Variants in RNLS observed in about 807,000 individuals in gnomAD.
The protein encoded by RNLS is renalase.
Under a neutral mutation model 39.8 loss-of-function variants are expected in RNLS, and 39 were observed. The observed-to-expected ratio is 0.98, with a 90% confidence interval of 0.76 to 1.28. The LOEUF is 1.28. Ranked by LOEUF, RNLS falls within the 50% of genes most tolerant of loss-of-function variation. The pLI, the probability that RNLS is intolerant of heterozygous loss-of-function variation, is 0.00. For missense variants in RNLS, 410 were observed against 413.3 expected (o/e 0.99, Z 0.07); for synonymous variants, 147 against 150.7 (o/e 0.98, Z 0.18).
At chr10:88,290,656 AAG>A (rs900234157) in intron 6 of RNLS, among the ~76,000 whole-genome samples, 2 of 151,656 alleles carry the variant, frequency 1.3e-5, no homozygotes, top group African/African-American at 4.9e-5. Flanking sequence ...AAGGAAATAA[AAG>A]AGAAATACAT....
At chr10:88,576,170 CT>C (rs1306336896) in intron 3 of RNLS, among the ~76,000 whole-genome samples, 1 of 152,278 alleles carries the variant, frequency 6.6e-6, no homozygotes, top group Admixed American at 6.5e-5. Context: ...CTCACTCTTT[CT>C]TCTTAACATT....
chr10:88,475,548 T>C (rs1448098047), intron 4 of RNLS, among the ~76,000 whole-genome samples: 4 of 152,170 alleles, frequency 2.6e-5, no homozygotes, highest in Non-Finnish European at 5.9e-5. Context: ...TAAAAAACCT[T>C]TTCTTTTCGG....
intron 4 of RNLS, among the ~76,000 whole-genome samples, chr10:88,372,588 C>T (rs1850653676): frequency 6.6e-6 from 1 of 152,098 alleles, no homozygotes; most frequent in Non-Finnish European, 1.5e-5. Context: ...AAAAAATGAA[C>T]ATTTTTAAAC....
At chr10:88,340,138 G>T (rs774896229) in intron 5 of RNLS, among the ~76,000 whole-genome samples, 1 of 152,152 alleles carries the variant, frequency 6.6e-6, no homozygotes, top group Non-Finnish European at 1.5e-5. Flanking sequence ...TATCTTGAAG[G>T]TTTCCAGTGT....
Position 88,498,636 on chromosome 10 carries a change from A to T in RNLS, c.526+74267T>A, listed in dbSNP as rs2134096487. ...ATATGTAATTATGTTACTAATTTTG[A>T]CAATTGTCCTATGCATGGTTATTTA... On this transcript the variant is annotated intron_variant, in intron 4 of 6. Transcript: ENST00000331772. 2.6e-5 allele frequency among the ~76,000 whole-genome samples: 4 copies of T among 151,400 alleles called. No homozygotes were observed. The Middle Eastern group carries it at 0.01, about 386-fold the overall frequency.
chr10:88,565,886 A>G (rs1849469016), intron 4 of RNLS, among the ~76,000 whole-genome samples: 1 of 150,826 alleles, frequency 6.6e-6, no homozygotes, highest in Non-Finnish European at 1.5e-5. Flanking sequence ...AGTAGCTGGG[A>G]CTACAGGCGC....
At chr10:88,415,525 G>A (rs900689451) in intron 4 of RNLS, among the ~76,000 whole-genome samples, 1 of 152,132 alleles carries the variant, frequency 6.6e-6, no homozygotes, top group Non-Finnish European at 1.5e-5. Context: ...TAGTGACACT[G>A]GTTTGTGTAT....
intron 6 of RNLS, among the ~76,000 whole-genome samples, chr10:88,310,575 C>G (rs761634189): frequency 2.0e-5 from 3 of 151,828 alleles, no homozygotes; most frequent in Admixed American, 6.6e-5. Context: ...AGGATCACTT[C>G]AGGCCAGGAG....
At chr10:88,206,893 G>A in the RNLS span, among the ~76,000 whole-genome samples, 1 of 152,134 alleles carries the variant, frequency 6.6e-6, no homozygotes, top group African/African-American at 2.4e-5. Flanking sequence ...GTGTTGTGAA[G>A]TTAAGCCAGG....
chr10:88,283,860 C>G (rs912539163), downstream of RNLS, among the ~76,000 whole-genome samples: 10 of 152,032 alleles, frequency 6.6e-5, no homozygotes, highest in Non-Finnish European at 1.5e-4. Flanking sequence ...CTAATGGGTA[C>G]TAGGCTTAAC....
At chr10:88,331,434 CA>C (rs1480846943) in intron 5 of RNLS, among the ~76,000 whole-genome samples, 1 of 152,158 alleles carries the variant, frequency 6.6e-6, no homozygotes, top group Non-Finnish European at 1.5e-5. Flanking sequence ...TTGATTCAGT[CA>C]AATGAGCATC....
chr10:88,368,721 C>T (rs761463564), intron 4 of RNLS, among the ~76,000 whole-genome samples: 38 of 151,974 alleles, frequency 2.5e-4, no homozygotes, highest in Non-Finnish European at 2.1e-4. Context: ...GTTGAACATT[C>T]GTTTCCTTTT....
At chr10:88,315,345 G>A (rs1247017001) in intron 5 of RNLS, among the ~76,000 whole-genome samples, 4 of 152,122 alleles carry the variant, frequency 2.6e-5, no homozygotes, top group Non-Finnish European at 5.9e-5. Flanking sequence ...CTCCTTAGTA[G>A]AATAAAGAGC....
intron 5 of RNLS, among the ~76,000 whole-genome samples, chr10:88,319,226 T>TA (rs939002616): frequency 1.3e-5 from 2 of 152,032 alleles, no homozygotes; most frequent in African/African-American, 2.4e-5. Context: ...CAAATGATCA[T>TA]ACACAACATA....
chr10:88,301,392 G>T (rs1348832088), intron 6 of RNLS, among the ~76,000 whole-genome samples: 1 of 152,166 alleles, frequency 6.6e-6, no homozygotes, highest in African/African-American at 2.4e-5. Context: ...CAATGCTTAT[G>T]ATTGACACCT....
At chr10:88,446,098 A>T (rs1224080759) in intron 4 of RNLS, among the ~76,000 whole-genome samples, 1 of 152,210 alleles carries the variant, frequency 6.6e-6, no homozygotes, top group African/African-American at 2.4e-5. Context: ...AAAGAACAGA[A>T]ATTATAACAA....
chr10:88,280,386 T>C (rs896208436), downstream of RNLS, among the ~76,000 whole-genome samples: 1 of 152,092 alleles, frequency 6.6e-6, no homozygotes, highest in African/African-American at 2.4e-5. Flanking sequence ...CCTTAAGGGA[T>C]TTACAACGTG....
At chr10:88,354,315 G>A (rs1284526429) in intron 5 of RNLS, among the ~76,000 whole-genome samples, 6 of 152,126 alleles carry the variant, frequency 3.9e-5, no homozygotes, top group Non-Finnish European at 5.9e-5. Flanking sequence ...TAGCATCAAT[G>A]GTCTTTACAA....
chr10:88,261,435 GGGGGTCAC>G, the RNLS span, among the ~76,000 whole-genome samples: 1 of 152,278 alleles, frequency 6.6e-6, no homozygotes, highest in Admixed American at 6.5e-5. Flanking sequence ...TGGGTCAGCA[GGGGGTCAC>G]TGAGCCTTCA....
Sources: gnomAD v4.1 joint callset for allele counts (sites outside exome capture counted in the v4.1 genomes callset) on GRCh38, gnomAD v4.1.1 for gene constraint, MANE v1.5 for transcripts, NCBI Gene and HGNC (gene_info 2026-07-23, HGNC 2026-07-21) for gene names.